LPP: variants seen among roughly 807,000 people sequenced by gnomAD.
LPP encodes lipoma-preferred partner.
LPP carries 38 observed loss-of-function variants against 60.4 expected under a neutral mutation model. The ratio of observed to expected loss-of-function variants is 0.63; its 90% CI spans 0.49 to 0.83. LPP has a LOEUF of 0.83. Among genes scored for constraint, LPP ranks in the 40% least tolerant of loss-of-function variants. The pLI, the probability that LPP is intolerant of heterozygous loss-of-function variation, is 0.00. For synonymous variants in LPP, 328 were observed against 290.8 expected (o/e 1.13, Z -1.30); for missense variants, 902 against 783.6 (o/e 1.15, Z -1.80).
intron 6 of LPP, among the ~76,000 whole-genome samples, chr3:188,596,175 T>G (rs923519186): frequency 6.6e-6 from 1 of 152,088 alleles, no homozygotes; most frequent in African/African-American, 2.4e-5. Flanking sequence ...TGAAAAAAAT[T>G]TTTTTAAGAG....
intron 8 of LPP, among the ~76,000 whole-genome samples, chr3:188,755,833 A>G (rs1273661218): frequency 3.7e-4 from 5 of 13,502 alleles, no homozygotes; most frequent in South Asian, 4.4e-3. Flanking sequence ...AAAAAAAAAA[A>G]AAAAAAAAAA....
chr3:188,177,779 G>A (rs1328468553), intron 1 of LPP, among the ~76,000 whole-genome samples: 2 of 152,144 alleles, frequency 1.3e-5, no homozygotes, highest in East Asian at 3.9e-4. Context: ...TTATTACAGG[G>A]AAACACCAAA....
At chr3:188,443,035 G>A (rs1395699191) in intron 4 of LPP, among the ~76,000 whole-genome samples, 1 of 152,146 alleles carries the variant, frequency 6.6e-6, no homozygotes, top group Non-Finnish European at 1.5e-5. Flanking sequence ...TGTTTTCAAA[G>A]GCAAGACAGA....
intron 4 of LPP, among the ~76,000 whole-genome samples, chr3:188,474,022 A>G (rs1436377414): frequency 6.6e-6 from 1 of 152,250 alleles, no homozygotes; most frequent in Non-Finnish European, 1.5e-5. Flanking sequence ...AGCTGTTGGT[A>G]TCATGAAGGA....
At chr3:188,510,849 C>G (rs1286420555) in intron 5 of LPP, among the ~76,000 whole-genome samples, 1 of 152,186 alleles carries the variant, frequency 6.6e-6, no homozygotes, top group Non-Finnish European at 1.5e-5. Context: ...CCATATAGCT[C>G]TCTCTGATTT....
At chr3:188,328,171 T>C (rs750641475) in intron 2 of LPP, among the ~76,000 whole-genome samples, 1 of 152,192 alleles carries the variant, frequency 6.6e-6, no homozygotes, top group Non-Finnish European at 1.5e-5. Context: ...TAGTAGTTTC[T>C]TATAGGTTAG....
At chr3:188,657,258 G>GTGTGTATATATATATATATATATATA (rs1553782707) in intron 7 of LPP, among the ~76,000 whole-genome samples, 9 of 89,840 alleles carry the variant, frequency 1.0e-4, no homozygotes, top group Admixed American at 5.2e-4. Context: ...CTGTCAAGGT[G>GTGTGTATATATATATATATATATATA]TATATATATA....
intron 2 of LPP, among the ~76,000 whole-genome samples, chr3:188,292,043 T>C (rs1448587941): frequency 1.3e-5 from 2 of 152,208 alleles, no homozygotes; most frequent in Non-Finnish European, 2.9e-5. Flanking sequence ...TTTGATACCA[T>C]CTTGTTTCTC....
chr3:188,656,400 AAAGCCGTG>A (rs1422897269), intron 7 of LPP, among the ~76,000 whole-genome samples: 1 of 152,174 alleles, frequency 6.6e-6, no homozygotes, highest in Non-Finnish European at 1.5e-5. Flanking sequence ...GTTGATCTTC[AAAGCCGTG>A]AAGCAATCGC....
intron 7 of LPP, among the ~76,000 whole-genome samples, chr3:188,625,322 G>C (rs916293720): frequency 5.3e-5 from 8 of 151,970 alleles, no homozygotes; most frequent in African/African-American, 1.9e-4. Context: ...AGTATAATTA[G>C]GACTTTAACA....
chr3:188,520,843 G>T lies in LPP; in HGVS notation c.307-3822G>T, dbSNP rs193035101. 3.1e-3 allele frequency among the ~76,000 whole-genome samples: 469 copies of T among 152,294 alleles called. 1 individual carries two copies. The highest frequency in any genetic ancestry group is 5.6e-3 in the Non-Finnish European group (380 of 68,036). ...ATTAGTCAGGAGAATCTTCCTTGTTGCTGGCATTGGGAAGGTCATTTACCA... is the reference window on the plus strand; with the variant it reads ...ATTAGTCAGGAGAATCTTCCTTGTTTCTGGCATTGGGAAGGTCATTTACCA... On this transcript the variant is annotated intron_variant, in intron 5 of 11. Transcript: ENST00000617246.
intron 9 of LPP, among the ~76,000 whole-genome samples, chr3:188,828,218 A>C (rs1249623023): frequency 1.3e-5 from 2 of 152,114 alleles, no homozygotes; most frequent in African/African-American, 2.4e-5. Flanking sequence ...AAGGAAGTAC[A>C]TGCTGGGAGA....
intron 6 of LPP, among the ~76,000 whole-genome samples, chr3:188,607,167 T>G (rs976490335): frequency 7.4e-6 from 1 of 134,250 alleles, no homozygotes; most frequent in Non-Finnish European, 1.6e-5. Context: ...ACACACACAC[T>G]ATTTAAACAT....
At chr3:188,373,727 C>A (rs1318358504) in intron 3 of LPP, among the ~76,000 whole-genome samples, 1 of 152,138 alleles carries the variant, frequency 6.6e-6, no homozygotes, top group African/African-American at 2.4e-5. Context: ...TCCCATTTGT[C>A]AATTATGGCT....
chr3:188,519,403 G>A (rs1281798944), intron 5 of LPP, among the ~76,000 whole-genome samples: 2 of 152,122 alleles, frequency 1.3e-5, no homozygotes, highest in African/African-American at 2.4e-5. Flanking sequence ...TTAAAAGTTG[G>A]CTTTATAAAA....
Position 188,874,891 on chromosome 3 carries a change from C to T in LPP, c.*412C>T, listed in dbSNP as rs1560328150. ...TGCTTTTAGGCTTGAAATCTCCATC[C>T]TATCATTTCCGTTTTGCCTGTGACT... On this transcript the variant is annotated 3_prime_UTR_variant, in exon 12 of 12. Coordinates refer to ENST00000617246, the MANE Select transcript of LPP (RefSeq NM_001375462.1). 4.2e-6 allele frequency: 1 copy of T among 237,354 alleles called. No homozygotes were observed. The highest frequency in any genetic ancestry group is 2.2e-5 in the African/African-American group (1 of 45,408). The allele number at this position is 237,354 out of a possible 1,614,324, so 14.7% of individuals were successfully genotyped here. A position where few individuals can be genotyped will look rare whatever the true frequency, so the allele number is the denominator to read the frequency against.
chr3:188,242,315 T>C, intron 2 of LPP, among the ~76,000 whole-genome samples: 1 of 152,006 alleles, frequency 6.6e-6, no homozygotes, highest in East Asian at 1.9e-4. Flanking sequence ...ATCACCTTTT[T>C]AGTTGTGTCT....
Position 188,609,930 on chromosome 3 carries a change from G to C in LPP, c.1113+86G>C. 1 of 1,278,046 alleles carries C rather than the reference G, an allele frequency of 7.8e-7. No homozygotes were observed. The highest frequency in any genetic ancestry group is 1.1e-6 in the Non-Finnish European group (1 of 925,464). The allele number at this position is 1,278,046 out of a possible 1,614,324, so 79.2% of individuals were successfully genotyped here. A position where few individuals can be genotyped will look rare whatever the true frequency, so the allele number is the denominator to read the frequency against. On this transcript the variant is annotated intron_variant, in intron 7 of 11. Transcript: ENST00000617246. The surrounding 1 kb of genome is among the most constrained non-coding windows in gnomAD (Gnocchi z 6.9). Reference sequence around the variant, plus strand: ...CCAGGAAGCGAAGCCTAAGGCAAAAGTGTGTGTGTTACTTTTATTTCACTG... The same window carrying C: ...CCAGGAAGCGAAGCCTAAGGCAAAACTGTGTGTGTTACTTTTATTTCACTG...
At chr3:188,863,976 A>G (rs906805749) in intron 9 of LPP, among the ~76,000 whole-genome samples, 1 of 149,148 alleles carries the variant, frequency 6.7e-6, no homozygotes. Context: ...AAAAAAAAGT[A>G]AAAACCCACA....
Sources: allele counts gnomAD v4.1 joint callset (sites outside exome capture counted in the v4.1 genomes callset), GRCh38; gene constraint gnomAD v4.1.1; non-coding constraint Gnocchi (gnomAD v3.1); transcripts MANE v1.5; gene names NCBI Gene and HGNC (gene_info 2026-07-23, HGNC 2026-07-21).